Variants in NBEA observed in about 807,000 individuals in gnomAD.
NBEA encodes neurobeachin, also known as lysosomal-trafficking regulator 2.
NBEA carries 44 observed loss-of-function variants against 343.4 expected under a neutral mutation model. The ratio of observed to expected loss-of-function variants is 0.13; its 90% CI spans 0.10 to 0.16. The LOEUF is 0.16. NBEA is among the 10% of genes least tolerant of loss of function. The pLI, the probability that NBEA is intolerant of heterozygous loss-of-function variation, is 1.00. For missense variants in NBEA, 2,555 were observed against 3,631.3 expected, an observed-to-expected ratio of 0.70 and a Z score of 7.62; for synonymous variants, 1,175 against 1,238.7, an observed-to-expected ratio of 0.95 and a Z score of 1.08.
intron 13 of NBEA, 95 bp from the exon 14 acceptor site, chr13:35,117,319 T>C (rs2066549140): frequency 4.4e-6 from 2 of 454,862 alleles, no homozygotes. Context: ...ATAAAGATAA[T>C]TATTCAAGAA....
chr13:35,147,667 G>A (rs149414254), intron 18 of NBEA, among the ~76,000 whole-genome samples: 1 of 152,286 alleles, frequency 6.6e-6, no homozygotes, highest in Non-Finnish European at 1.5e-5. Context: ...GGGTCAGGAG[G>A]TGAGGGAAGG....
chr13:34,942,969 G>C lies in NBEA; in HGVS notation c.149G>C (p.Gly50Ala), dbSNP rs2059076475. Residue 50 changes from glycine (G) to alanine (A), a missense_variant, in exon 1 of 59, where the codon GGC becomes GCC. This residue lies in a region of NBEA where 122 missense variants were observed against 91.0 expected (regional missense o/e 1.34). Transcript: ENST00000379939. ...ATGGGGGAGCTAAGGGGGGCGTCCG[G>C]CTCCGGCTCGGTGATGCTCCCCGCG... ...SGMGELRGASGSGSVMLPAGM... is the reference protein window; with the variant it reads ...SGMGELRGASASGSVMLPAGM... 1 of 1,603,620 alleles carries C rather than the reference G, an allele frequency of 6.2e-7. No homozygotes were observed. The highest frequency in any genetic ancestry group is 2.3e-5 in the East Asian group (1 of 43,444).
rs576634518 is a variant in NBEA, at chr13:35,441,386, GGTT to G, written c.6304+8997_6304+8999del. 2.0e-3 allele frequency among the ~76,000 whole-genome samples: 301 copies of G among 152,094 alleles called. 1 individual carries two copies. The highest frequency in any genetic ancestry group is 6.8e-3 in the African/African-American group (283 of 41,478). Reference sequence around the variant, plus strand: ...TCTAATCTATAGTAATCTGATTTCTGGTTGTTAATGCTGTGTAGAGCAAAACCA... The same window carrying G: ...TCTAATCTATAGTAATCTGATTTCTGGTTAATGCTGTGTAGAGCAAAACCA... On this transcript the variant is annotated intron_variant, in intron 39 of 58. Coordinates refer to ENST00000379939, the MANE Select transcript of NBEA (RefSeq NM_001385012.1).
At chr13:35,059,179 A>T (rs1288012404) in intron 8 of NBEA, among the ~76,000 whole-genome samples, 1 of 151,940 alleles carries the variant, frequency 6.6e-6, no homozygotes, top group Non-Finnish European at 1.5e-5. Context: ...CATATTACTT[A>T]ATGAACATAA....
intron 34 of NBEA, among the ~76,000 whole-genome samples, chr13:35,235,101 T>C (rs2075161995): frequency 6.6e-6 from 1 of 152,134 alleles, no homozygotes; most frequent in African/African-American, 2.4e-5. Context: ...AGCCTAAATA[T>C]TATGTTAGCT....
chr13:35,089,491 AGTCAGTGTGGC>A (rs2064956566), intron 10 of NBEA, among the ~76,000 whole-genome samples: 1 of 75,544 alleles, frequency 1.3e-5, no homozygotes, highest in Non-Finnish European at 2.5e-5. Flanking sequence ...CCATTGTGGA[AGTCAGTGTGGC>A]GATTCCTCAG....
intron 18 of NBEA, among the ~76,000 whole-genome samples, chr13:35,155,132 TAAAA>T (rs753159286): frequency 1.6e-5 from 1 of 61,864 alleles, no homozygotes; most frequent in Non-Finnish European, 2.9e-5. Flanking sequence ...ATTCTGTCTC[TAAAA>T]AAAAAAAAAA....
chr13:35,635,919 T>C (rs2083673297), intron 49 of NBEA, among the ~76,000 whole-genome samples: 1 of 152,216 alleles, frequency 6.6e-6, no homozygotes, highest in South Asian at 2.1e-4. Flanking sequence ...TGTATGTCAT[T>C]TATGTGACTT....
chr13:35,537,669 A>G (rs1345607620), intron 41 of NBEA, among the ~76,000 whole-genome samples: 1 of 152,126 alleles, frequency 6.6e-6, no homozygotes, highest in Non-Finnish European at 1.5e-5. Context: ...GACCTTGAAG[A>G]TGAGTAGAAG....
At chr13:35,334,648 T>C (rs1413007730) in intron 36 of NBEA, among the ~76,000 whole-genome samples, 1 of 152,222 alleles carries the variant, frequency 6.6e-6, no homozygotes, top group Admixed American at 6.5e-5. Flanking sequence ...GCCATTCGTG[T>C]GTCTTCTTTT....
chr13:35,392,646 A>G (rs1273645509), intron 38 of NBEA, among the ~76,000 whole-genome samples: 2 of 152,194 alleles, frequency 1.3e-5, no homozygotes, highest in Non-Finnish European at 2.9e-5. Flanking sequence ...GAGAAAAACT[A>G]TGATTTGCAA....
intron 38 of NBEA, among the ~76,000 whole-genome samples, chr13:35,367,609 T>C (rs1387157185): frequency 6.6e-6 from 1 of 151,182 alleles, no homozygotes; most frequent in East Asian, 1.9e-4. Flanking sequence ...AGTAAGTAGT[T>C]ACCAAATTGT....
At position 35,159,763 on chromosome 13, in the gene NBEA, T is replaced by G; in HGVS notation, c.3592T>G (p.Cys1198Gly). The G allele has an allele frequency of 6.2e-7, 1 of 1,613,214 alleles. No homozygotes were observed. The highest frequency in any genetic ancestry group is 8.5e-7 in the Non-Finnish European group (1 of 1,179,586). Residue 1198 changes from cysteine to glycine, a missense_variant, in exon 22 of 59, where the codon TGT becomes GGT. Physicochemically the swap from Cys to Gly is radical, Grantham distance 159. Transcript: ENST00000379939. ...AHMTGSVDLTCTSSIIEEKEF... is the reference protein window; with the variant it reads ...AHMTGSVDLTGTSSIIEEKEF... Reference sequence around the variant, plus strand: ...CATGACCGGTAGCGTAGACTTAACTTGTACATCCAGTATAATAGAAGAAAA... The same window carrying G: ...CATGACCGGTAGCGTAGACTTAACTGGTACATCCAGTATAATAGAAGAAAA...
intron 10 of NBEA, among the ~76,000 whole-genome samples, chr13:35,084,015 A>G (rs915123780): frequency 4.6e-5 from 7 of 152,184 alleles, no homozygotes; most frequent in African/African-American, 1.4e-4. Flanking sequence ...CAATTCAACA[A>G]GAAGAGCTAA....
chr13:35,561,683 G>A (rs1176650402), intron 44 of NBEA, among the ~76,000 whole-genome samples: 1 of 151,998 alleles, frequency 6.6e-6, no homozygotes, highest in Non-Finnish European at 1.5e-5. Context: ...TAAAGCACAT[G>A]GTCTCAGTAT....
chr13:35,151,095 A>G (rs1176532018), intron 18 of NBEA, among the ~76,000 whole-genome samples: 1 of 147,218 alleles, frequency 6.8e-6, no homozygotes, highest in Non-Finnish European at 1.5e-5. Context: ...AGCCTGGTCG[A>G]CAAACAAGAC....
chr13:35,226,787 A>G, intron 33 of NBEA, among the ~76,000 whole-genome samples: 1 of 151,156 alleles, frequency 6.6e-6, no homozygotes, highest in Non-Finnish European at 1.5e-5. Flanking sequence ...CATAATGTCT[A>G]TTCACAGATG....
intron 11 of NBEA, among the ~76,000 whole-genome samples, chr13:35,098,721 A>ACCCATGGT (rs1224345098): frequency 6.6e-6 from 1 of 152,072 alleles, no homozygotes; most frequent in African/African-American, 2.4e-5. Flanking sequence ...GGTGTCACTT[A>ACCCATGGT]CCCATGGTCA....
chr13:35,488,421 C>T (rs1315717583), intron 41 of NBEA, among the ~76,000 whole-genome samples: 1 of 151,784 alleles, frequency 6.6e-6, no homozygotes, highest in Non-Finnish European at 1.5e-5. Flanking sequence ...TAAGAAGCCT[C>T]ATTTGGGATA....
Sources: gnomAD v4.1 joint callset for allele counts (sites outside exome capture counted in the v4.1 genomes callset) on GRCh38, gnomAD v4.1.1 for gene constraint, gnomAD v4.1.1 regional missense constraint, MANE v1.5 for transcripts, NCBI Gene and HGNC (gene_info 2026-07-23, HGNC 2026-07-21) for gene names.